PTPRN2: variants seen among roughly 807,000 people sequenced by gnomAD.
The protein encoded by PTPRN2 is protein tyrosine phosphatase receptor type N2, also known as receptor-type tyrosine-protein phosphatase N2.
A neutral mutation model predicts 118.8 loss-of-function variants in PTPRN2; 74 were observed. That is an observed-to-expected ratio of 0.62 (90% CI 0.52 to 0.76). The LOEUF (loss-of-function observed/expected upper bound fraction) is 0.76, where lower values mean the gene tolerates loss of function less well. Among genes scored for constraint, PTPRN2 ranks in the 30% least tolerant of loss-of-function variants. PTPRN2 has a pLI of 0.00. For synonymous variants in PTPRN2, 641 were observed against 608.0 expected (o/e 1.05, Z -0.80); for missense variants, 1,481 against 1,394.4 (o/e 1.06, Z -0.99).
chr7:157,670,736 A>G (rs1796368113), intron 13 of PTPRN2, among the ~76,000 whole-genome samples: 3 of 152,232 alleles, frequency 2.0e-5, no homozygotes, highest in African/African-American at 7.2e-5. Flanking sequence ...GTGCCTTCAA[A>G]GTTCACAGAT....
rs943340418 is a variant in PTPRN2 at position 157,874,501 on chromosome 7, T to C, written c.1788+24172A>G. Among the ~76,000 whole-genome samples the C allele has an allele frequency of 1.3e-5, 2 of 152,118 alleles. No individual in the cohort carries two copies. Among genetic ancestry groups the C allele is most frequent in the Admixed American group, 1.3e-4 (2 of 15,272 alleles). ...CCAGCCAACCATGTTCACAAGGAAG[T>C]TCATGTCCCCCTTAACTCGAGCTTT... On this transcript the variant is annotated intron_variant, in intron 12 of 22. Coordinates refer to ENST00000389418, the MANE Select transcript of PTPRN2 (RefSeq NM_002847.5). The surrounding 1 kb of genome is among the most constrained non-coding windows in gnomAD (Gnocchi z 5.8).
intron 2 of PTPRN2, among the ~76,000 whole-genome samples, chr7:158,484,079 G>C (rs1446255633): frequency 6.6e-6 from 1 of 152,206 alleles, no homozygotes; most frequent in African/African-American, 2.4e-5. Context: ...AGGAGTTCAA[G>C]GCTGCGTTAG....
chr7:158,500,928 C>T (rs904091636), intron 1 of PTPRN2, among the ~76,000 whole-genome samples: 4 of 152,240 alleles, frequency 2.6e-5, no homozygotes, highest in African/African-American at 9.6e-5. Flanking sequence ...GCTCCTCACG[C>T]GGCGGGTCAG....
chr7:157,661,813 G>A (rs1027756351), intron 13 of PTPRN2, among the ~76,000 whole-genome samples: 1 of 152,192 alleles, frequency 6.6e-6, no homozygotes, highest in African/African-American at 2.4e-5. Flanking sequence ...GCTCCCCGGA[G>A]GCACCAGCCA....
intron 6 of PTPRN2, among the ~76,000 whole-genome samples, chr7:158,146,280 T>G (rs1169904592): frequency 6.6e-6 from 1 of 152,156 alleles, no homozygotes; most frequent in Admixed American, 6.5e-5. Context: ...TTAACCAAAA[T>G]GTTAACCTAT....
intron 21 of PTPRN2, among the ~76,000 whole-genome samples, chr7:157,561,361 G>A (rs1013045362): frequency 2.6e-5 from 4 of 152,308 alleles, no homozygotes; most frequent in Admixed American, 6.5e-5. Flanking sequence ...CGGCCCAGGC[G>A]CCTCACCACT....
In PTPRN2 at chr7:157,619,202, G is replaced by A. The variant is rs566810531; in HGVS notation, c.2344+2160C>T. Among the ~76,000 whole-genome samples, 5 of 152,264 alleles carry A rather than the reference G, an allele frequency of 3.3e-5. No individual in the cohort carries two copies. The highest frequency in any genetic ancestry group is 2.1e-4 in the South Asian group (1 of 4,818). On this transcript the variant is annotated intron_variant, in intron 15 of 22. Coordinates refer to ENST00000389418, the MANE Select transcript of PTPRN2 (RefSeq NM_002847.5). The surrounding 1 kb of genome is among the most constrained non-coding windows in gnomAD (Gnocchi z 5.3). ...GGGAGGAAAACCCCATCGGCAGGTCGTTTCTGCCACGCTCCGGGCTGTCTT... is the reference window on the plus strand; with the variant it reads ...GGGAGGAAAACCCCATCGGCAGGTCATTTCTGCCACGCTCCGGGCTGTCTT...
intron 5 of PTPRN2, among the ~76,000 whole-genome samples, chr7:158,175,274 C>T (rs944710767): frequency 2.0e-5 from 3 of 152,228 alleles, no homozygotes; most frequent in Admixed American, 1.3e-4. Context: ...AGCCTCAGTG[C>T]TATTCACAGG....
chr7:157,576,527 A>C (rs1800049996), intron 19 of PTPRN2, 86 bp downstream of exon 19: 2 of 1,331,166 alleles, frequency 1.5e-6, no homozygotes, highest in Non-Finnish European at 2.0e-6. Flanking sequence ...CCTCGGCGCC[A>C]GGGGCGTCTC....
At chr7:157,955,184 G>C (rs879536719) in intron 11 of PTPRN2, among the ~76,000 whole-genome samples, 2 of 152,180 alleles carry the variant, frequency 1.3e-5, no homozygotes, top group African/African-American at 4.8e-5. Context: ...GCAGCTTGGT[G>C]TAGCTGCGAA....
intron 3 of PTPRN2, among the ~76,000 whole-genome samples, chr7:158,270,919 G>GGCCGCCCCC (rs1798404355): frequency 5.0e-5 from 3 of 60,446 alleles, no homozygotes; most frequent in Non-Finnish European, 6.1e-5. Flanking sequence ...CCCCCACCTG[G>GGCCGCCCCC]ACCACCCCCC....
chr7:158,070,768 C>CCCG (rs1430385683), intron 11 of PTPRN2, among the ~76,000 whole-genome samples: 2 of 103,240 alleles, frequency 1.9e-5, no homozygotes, highest in Non-Finnish European at 3.7e-5. Context: ...GGTGGAGGTG[C>CCCG]TCATGGTGGA....
At position 158,330,702 on chromosome 7, in the gene PTPRN2, T is replaced by C. The variant is rs184941477; in HGVS notation, c.164-13770A>G. On this transcript the variant is annotated intron_variant, in intron 2 of 22. Transcript: ENST00000389418. ...GGCACAAAGAGGTCACTCACATCCA[T>C]ACTCTCACCATAAGAGCCGACACGT... 5.7e-3 allele frequency among the ~76,000 whole-genome samples: 417 copies of C among 73,420 alleles called. 85 individuals carry two copies. In the Admixed American group the frequency reaches 0.066, roughly 12 times the overall value. 48.2% of individuals were successfully genotyped at this position (73,420 alleles called of 152,430 possible). A position where few individuals can be genotyped will look rare whatever the true frequency, so the allele number is the denominator to read the frequency against.
chr7:158,030,036 AATG>A (rs1245913200), intron 11 of PTPRN2: 1 of 152,242 alleles, frequency 6.6e-6, no homozygotes, highest in African/African-American at 2.4e-5. Flanking sequence ...TAATAATAAC[AATG>A]ATAATTCTAA....
rs1450892623 is a variant in PTPRN2, at chr7:158,274,553, T to G, written c.277+42266A>C. 2.7e-5 allele frequency among the ~76,000 whole-genome samples: 4 copies of G among 147,484 alleles called. No individual in the cohort carries two copies. The Admixed American group carries it at 2.7e-4, about 10-fold the overall frequency. ...GGCACAGGGGGAGCCACAGACACCC[T>G]CACACTCCGGGATCTAGCGTGTGTG... On this transcript the variant is annotated intron_variant, in intron 3 of 22. Transcript: ENST00000389418.
chr7:158,032,560 C>T (rs142219498), intron 11 of PTPRN2, among the ~76,000 whole-genome samples: 165 of 152,192 alleles, frequency 1.1e-3, no homozygotes, highest in African/African-American at 3.7e-3. Flanking sequence ...TGCACAGAGA[C>T]GTTCCGTATG....
intron 11 of PTPRN2, among the ~76,000 whole-genome samples, chr7:158,048,102 T>C (rs1809014563): frequency 6.6e-6 from 1 of 151,042 alleles, no homozygotes; most frequent in Non-Finnish European, 1.5e-5. Flanking sequence ...TCTGTCTAGA[T>C]AGAAACTCAT....
intron 11 of PTPRN2, among the ~76,000 whole-genome samples, chr7:158,026,897 G>A (rs1197839942): frequency 6.6e-6 from 1 of 152,272 alleles, no homozygotes; most frequent in Non-Finnish European, 1.5e-5. Context: ...TGATGGTCCA[G>A]CAGCCACTCG....
At chr7:157,855,133 G>GGGCCGGATCGGGGAGGCTGGCTGCACCA (rs1563175508) in intron 12 of PTPRN2, among the ~76,000 whole-genome samples, 4 of 124,484 alleles carry the variant, frequency 3.2e-5, no homozygotes, top group Non-Finnish European at 3.6e-5. Flanking sequence ...TGGCTGCACG[G>GGGCCGGATCGGGGAGGCTGGCTGCACCA]TTGCAGGGGT....
Sources: allele counts gnomAD v4.1 joint callset (sites outside exome capture counted in the v4.1 genomes callset), GRCh38; gene constraint gnomAD v4.1.1; non-coding constraint Gnocchi (gnomAD v3.1); transcripts MANE v1.5; gene names NCBI Gene and HGNC (gene_info 2026-07-23, HGNC 2026-07-21).